CYP4F22: variants seen among roughly 807,000 people sequenced by gnomAD.
CYP4F22 encodes ultra-long-chain fatty acid omega-hydroxylase.
CYP4F22 carries 37 observed loss-of-function variants against 60.4 expected under a neutral mutation model. The ratio of observed to expected loss-of-function variants is 0.61; its 90% confidence interval spans 0.47 to 0.81. CYP4F22 has a LOEUF of 0.81. Among genes scored for constraint, CYP4F22 ranks in the 30% least tolerant of loss-of-function variants. The pLI is 0.00. For synonymous variants in CYP4F22, 258 were observed against 280.5 expected (o/e 0.92, Z 0.80); for missense variants, 655 against 715.0 (o/e 0.92, Z 0.96).
chr19:15,509,912 T>C (rs865791991), intron 1 of CYP4F22, among the ~76,000 whole-genome samples: 335 of 128,830 alleles, frequency 2.6e-3, no homozygotes, highest in African/African-American at 9.0e-3. Context: ...TTCCTTTCTT[T>C]CTTTCCTTCC....
chr19:15,538,610 G>A (rs1336514394), intron 7 of CYP4F22, among the ~76,000 whole-genome samples: 3 of 152,192 alleles, frequency 2.0e-5, no homozygotes, highest in African/African-American at 7.2e-5. Flanking sequence ...GAAGTTTATA[G>A]TCTAAGTGGG....
chr19:15,513,836 A>G (rs2144496168), intron 1 of CYP4F22, among the ~76,000 whole-genome samples: 1 of 152,300 alleles, frequency 6.6e-6, no homozygotes, highest in South Asian at 2.1e-4. Flanking sequence ...GTAACACAAC[A>G]TCAAAAGCAA....
intron 2 of CYP4F22, among the ~76,000 whole-genome samples, chr19:15,524,108 A>G (rs1303726721): frequency 6.6e-6 from 1 of 152,126 alleles, no homozygotes; most frequent in African/African-American, 2.4e-5. Flanking sequence ...ACAATGGAAT[A>G]TTACTCAGCA....
intron 1 of CYP4F22, among the ~76,000 whole-genome samples, chr19:15,514,459 G>A (rs1474829662): frequency 6.6e-6 from 1 of 152,134 alleles, no homozygotes; most frequent in Non-Finnish European, 1.5e-5. Flanking sequence ...AGGCCGAGGC[G>A]GGTGGATCAC....
chr19:15,538,512 A>G lies in CYP4F22; in HGVS notation c.671+519A>G, dbSNP rs138565041. On this transcript the variant is annotated intron_variant, in intron 7 of 13. Transcript: ENST00000269703. ...GCTTCATTAATTCATTCATTCATCA[A>G]ATATTCATTGTGCACCTACTACGTG... 2.2e-4 allele frequency among the ~76,000 whole-genome samples: 33 copies of G among 152,356 alleles called. No homozygotes were observed. The East Asian group carries it at 5.4e-3, about 25-fold the overall frequency.
At chr19:15,537,292 C>T in intron 4 of CYP4F22, 69 bp from the exon 5 acceptor site, 2 of 1,593,126 alleles carry the variant, frequency 1.3e-6, no homozygotes, top group Non-Finnish European at 1.7e-6. Context: ...CAGAGCAAGA[C>T]TCCGTAAAAA....
At chr19:15,515,013 GA>G (rs959583729) in intron 1 of CYP4F22, among the ~76,000 whole-genome samples, 1 of 151,926 alleles carries the variant, frequency 6.6e-6, no homozygotes, top group African/African-American at 2.4e-5. Context: ...TTTCACACGG[GA>G]AAAAAAAGAC....
rs372061256 is a variant in CYP4F22 at position 15,520,341 on chromosome 19, A to G, written c.-108-3352A>G. ...AGCCTGGGCGACAGAGCAAGCCTCC[A>G]TCTCAAAAAAAAAAAAAAAACAAAA... On this transcript the variant is annotated intron_variant, in intron 1 of 13. Transcript: ENST00000269703. Among the ~76,000 whole-genome samples the G allele has an allele frequency of 8.0e-3, 1,117 of 139,542 alleles. 10 individuals are homozygous for G. The highest frequency in any genetic ancestry group is 0.013 in the Non-Finnish European group (843 of 65,118). 91.5% of individuals were successfully genotyped at this position (139,542 alleles called of 152,430 possible). A position where few individuals can be genotyped will look rare whatever the true frequency, so the allele number is the denominator to read the frequency against.
At position 15,515,422 on chromosome 19, in the gene CYP4F22, T is replaced by C; in HGVS notation, c.-109+6839T>C. On this transcript the variant is annotated intron_variant, in intron 1 of 13. Transcript: ENST00000269703. ...TTGTTGGTCCAACTCAGACAGCAAC[T>C]TTAAGGTGTTCAGTGCAGCTGGCCA... The C allele has an allele frequency of 2.5e-6, 3 of 1,184,520 alleles. No homozygotes were observed. The South Asian group carries it at 3.6e-5, about 14-fold the overall frequency. 73.4% of individuals were successfully genotyped at this position (1,184,520 alleles called of 1,614,324 possible).
In CYP4F22 at chr19:15,551,893, A is replaced by ACCC. The variant is rs369156587; in HGVS notation, c.*429_*431dup. The ACCC allele has an allele frequency of 3.5e-5, 4 of 113,994 alleles. No individual in the cohort carries two copies. Among genetic ancestry groups the ACCC allele is most frequent in the African/African-American group, 1.5e-4 (4 of 26,748 alleles). The allele number at this position is 113,994 out of a possible 1,614,324, so 7.1% of individuals were successfully genotyped here. A position where few individuals can be genotyped will look rare whatever the true frequency, so the allele number is the denominator to read the frequency against. ...TATGACTCAGGGCCCACCACACCCC[A>ACCC]CCCCCCCCCAACTGGCTGAACCCCT... On this transcript the variant is annotated 3_prime_UTR_variant, in exon 14 of 14. Coordinates refer to ENST00000269703, the MANE Select transcript of CYP4F22 (RefSeq NM_173483.4).
intron 5 of CYP4F22, 38 bp from the exon 6 acceptor site, chr19:15,537,497 A>G (rs770592663): frequency 1.2e-6 from 2 of 1,614,168 alleles, no homozygotes; most frequent in Non-Finnish European, 1.7e-6. Flanking sequence ...GTTTCAGAGT[A>G]ACAGGAGAGG....
At chr19:15,532,335 T>A (rs1453496476) in intron 4 of CYP4F22, among the ~76,000 whole-genome samples, 1 of 150,326 alleles carries the variant, frequency 6.7e-6, no homozygotes, top group Non-Finnish European at 1.5e-5. Flanking sequence ...CTTCTCCTTC[T>A]TCTCCTCCCC....
intron 4 of CYP4F22, among the ~76,000 whole-genome samples, 187 bp from the exon 5 acceptor site, chr19:15,537,173 CA>C (rs1971404003): frequency 6.6e-6 from 1 of 152,070 alleles, no homozygotes; most frequent in Admixed American, 6.6e-5. Flanking sequence ...TGGTGGCGGA[CA>C]CCTGTAATCC....
At chr19:15,511,388 C>T (rs183586643) in intron 1 of CYP4F22, among the ~76,000 whole-genome samples, 12 of 150,500 alleles carry the variant, frequency 8.0e-5, no homozygotes, top group Non-Finnish European at 1.5e-4. Flanking sequence ...AAGCCCAGGA[C>T]GGGGAGGTTG....
chr19:15,550,722 C>T lies in CYP4F22; in HGVS notation c.1384C>T (p.Pro462Ser). ...CCCGGACAACCCACAGCAGCGCTCT[C>T]CACTGGCCTATGTGCCCTTCTCTGC... ...FDPDNPQQRSPLAYVPFSAGP... is the reference protein window; with the variant it reads ...FDPDNPQQRSSLAYVPFSAGP... Residue 462 changes from proline to serine, a missense_variant, in exon 13 of 14, where the codon CCA (proline) becomes TCA (serine). Pro to Ser is a moderately conservative substitution (Grantham distance 74). Transcript: ENST00000269703. 2 of 1,614,206 alleles carry T rather than the reference C, an allele frequency of 1.2e-6. No individual in the cohort carries two copies. Among genetic ancestry groups the T allele is most frequent in the Non-Finnish European group, 8.5e-7 (1 of 1,180,040 alleles).
In CYP4F22 at chr19:15,537,574, G is replaced by A. The variant is rs779288178; in HGVS notation, c.461G>A (p.Arg154Gln). Residue 154 changes from arginine (R) to glutamine (Q), a missense_variant, in exon 6 of 14, where the codon CGG becomes CAG. Transcript: ENST00000269703. The stretch of plus-strand genomic sequence containing the variant: ...CTCAGCAAAGGTGACAAGTGGAGCC[G>A]GCACCGTCGCCTGCTGACACCCGCC... ...LLLSKGDKWS[R>Q]HRRLLTPAFH... 67 of 1,614,128 alleles carry A rather than the reference G, an allele frequency of 4.2e-5. No individual in the cohort carries two copies. The highest frequency in any genetic ancestry group is 3.3e-4 in the East Asian group (15 of 44,878).
At position 15,547,988 on chromosome 19, in the gene CYP4F22, AGAGAGAGGGAGAGAGTGT is replaced by A. The variant is rs1276276176; in HGVS notation, c.1137-118_1137-101del. 1.5e-3 allele frequency: 688 copies of A among 447,556 alleles called. 8 individuals are homozygous for A. The African/African-American group carries it at 0.021, about 14-fold the overall frequency. The allele number at this position is 447,556 out of a possible 1,614,324, so 27.7% of individuals were successfully genotyped here. A position where few individuals can be genotyped will look rare whatever the true frequency, so the allele number is the denominator to read the frequency against. ...GCCCCTGAGAGAGAGAGAGAGAGAG[AGAGAGAGGGAGAGAGTGT>A]GTGTGTGTGTGTGTGTGTGTGTGTG... On this transcript the variant is annotated intron_variant, in intron 10 of 13. Transcript: ENST00000269703.
chr19:15,511,987 A>G (rs1971097790), intron 1 of CYP4F22, among the ~76,000 whole-genome samples: 1 of 152,158 alleles, frequency 6.6e-6, no homozygotes, highest in African/African-American at 2.4e-5. Flanking sequence ...GCTGGATGAG[A>G]TCGGGGGCCG....
chr19:15,520,188 CA>C (rs1350572573), intron 1 of CYP4F22, among the ~76,000 whole-genome samples: 2 of 150,966 alleles, frequency 1.3e-5, no homozygotes, highest in Non-Finnish European at 3.0e-5. Flanking sequence ...ACTAAAAATA[CA>C]AAAAAAATTA....
Sources: gnomAD v4.1 joint callset for allele counts (sites outside exome capture counted in the v4.1 genomes callset) on GRCh38, gnomAD v4.1.1 for gene constraint, MANE v1.5 for transcripts, NCBI Gene and HGNC (gene_info 2026-07-23, HGNC 2026-07-21) for gene names.